FBXL14: variants seen among roughly 807,000 people sequenced by gnomAD.
FBXL14 encodes F-box/LRR-repeat protein 14.
A neutral mutation model predicts 24.5 loss-of-function variants in FBXL14; 11 were observed. That is an observed-to-expected ratio of 0.45 (90% confidence interval 0.28 to 0.74). The LOEUF is 0.74. Ranked by LOEUF, FBXL14 falls within the 30% of genes least tolerant of loss-of-function variation. The pLI is 0.12. For missense variants in FBXL14, 384 were observed against 545.6 expected (o/e 0.70, Z 2.95); for synonymous variants, 294 against 240.4 (o/e 1.22, Z -2.06).
chr12:1,579,072 T>G lies in FBXL14; in HGVS notation c.1195-12262A>C, dbSNP rs1161132707. Among the ~76,000 whole-genome samples, 1 of 152,056 alleles carries G rather than the reference T, an allele frequency of 6.6e-6. No homozygotes were observed. Among genetic ancestry groups the G allele is most frequent in the African/African-American group, 2.4e-5 (1 of 41,430 alleles). ...GGGCTCCAGATAACACACTTCTACT[T>G]GCTTTCTTTAGGGAAACGACATGGT... On this transcript the variant is annotated intron_variant, in intron 1 of 1. Coordinates refer to ENST00000339235, the MANE Select transcript of FBXL14 (RefSeq NM_152441.3). This position sits in a 1 kb window ranked among gnomAD's most constrained non-coding sequence, Gnocchi z 4.3.
chr12:1,569,908 A>T lies in FBXL14; in HGVS notation c.1195-3098T>A, dbSNP rs931196642. ...AGGGCGCACCACATGCCCACTGCAG[A>T]GCCAGCATCCCCCTCGAGAGCTGCA... On this transcript the variant is annotated intron_variant, in intron 1 of 1. Coordinates refer to ENST00000339235, the MANE Select transcript of FBXL14 (RefSeq NM_152441.3). This position sits in a 1 kb window ranked among gnomAD's most constrained non-coding sequence, Gnocchi z 4.2. Among the ~76,000 whole-genome samples the T allele has an allele frequency of 6.6e-6, 1 of 152,224 alleles. No individual in the cohort carries two copies. The highest frequency in any genetic ancestry group is 1.5e-5 in the Non-Finnish European group (1 of 68,038).
Position 1,567,910 on chromosome 12 carries a change from CACAGA to C in FBXL14, c.1195-1105_1195-1101del, listed in dbSNP as rs1400442649. 2.6e-5 allele frequency among the ~76,000 whole-genome samples: 4 copies of C among 152,352 alleles called. No homozygotes were observed. Among genetic ancestry groups the C allele is most frequent in the Non-Finnish European group, 4.4e-5 (3 of 68,036 alleles). On this transcript the variant is annotated intron_variant, in intron 1 of 1. Transcript: ENST00000339235. This position sits in a 1 kb window ranked among gnomAD's most constrained non-coding sequence, Gnocchi z 4.8. ...ACGCGCGCACACACGTGCGCACACA[CACAGA>C]ACAGAATATCCAAGAACTGTGGGAC... is the stretch of plus-strand genomic sequence containing the variant.
chr12:1,594,744 G>A (rs2094498291), upstream of FBXL14, among the ~76,000 whole-genome samples: 1 of 149,982 alleles, frequency 6.7e-6, no homozygotes, highest in Non-Finnish European at 1.5e-5. Context: ...GCCGGAGCGC[G>A]GCTCGGCGCA....
rs755043134 is a variant in FBXL14 at position 1,569,917 on chromosome 12, C to G, written c.1195-3107G>C. Among the ~76,000 whole-genome samples, 5 of 152,240 alleles carry G rather than the reference C, an allele frequency of 3.3e-5. No individual in the cohort carries two copies. The highest frequency in any genetic ancestry group is 5.9e-5 in the Non-Finnish European group (4 of 68,046). On this transcript the variant is annotated intron_variant, in intron 1 of 1. Transcript: ENST00000339235. The surrounding 1 kb of genome is among the most constrained non-coding windows in gnomAD (Gnocchi z 4.2). ...CACATGCCCACTGCAGAGCCAGCAT[C>G]CCCCTCGAGAGCTGCACTTCTGCCC...
At chr12:1,571,763 A>G (rs1026055653) in intron 1 of FBXL14, among the ~76,000 whole-genome samples, 1 of 152,216 alleles carries the variant, frequency 6.6e-6, no homozygotes, top group Non-Finnish European at 1.5e-5. Flanking sequence ...ATTTGAAGTC[A>G]CTACTAATAG....
rs200835470 is a variant in FBXL14 at position 1,574,014 on chromosome 12, G to GA, written c.1195-7205dup. Among the ~76,000 whole-genome samples, 682 of 116,634 alleles carry GA rather than the reference G, an allele frequency of 5.8e-3. 1 individual carries two copies. The highest frequency in any genetic ancestry group is 0.013 in the African/African-American group (422 of 32,040). 76.5% of individuals were successfully genotyped at this position (116,634 alleles called of 152,430 possible). ...GAGCGAAACTCCGTCTCAAAAAAAAGAAAAAAAAAAAAAAGAGTGAAATGG... is the reference window on the plus strand; with the variant it reads ...GAGCGAAACTCCGTCTCAAAAAAAAGAAAAAAAAAAAAAAAGAGTGAAATGG... On this transcript the variant is annotated intron_variant, in intron 1 of 1. Transcript: ENST00000339235.
chr12:1,568,809 C>T (rs773472252), intron 1 of FBXL14, among the ~76,000 whole-genome samples: 2 of 152,034 alleles, frequency 1.3e-5, no homozygotes, highest in Non-Finnish European at 2.9e-5. Flanking sequence ...TGCAGTGAGC[C>T]GAGATCACGC....
chr12:1,572,240 T>C (rs545872899), intron 1 of FBXL14, among the ~76,000 whole-genome samples: 12 of 152,344 alleles, frequency 7.9e-5, no homozygotes, highest in African/African-American at 2.9e-4. Context: ...TTTAAATAAC[T>C]TTATGAGGTA....
At chr12:1,586,168 T>C (rs2094475971) in intron 1 of FBXL14, among the ~76,000 whole-genome samples, 1 of 151,284 alleles carries the variant, frequency 6.6e-6, no homozygotes, top group Admixed American at 6.6e-5. Flanking sequence ...TAGTAATAAC[T>C]TTTAGCATTT....
At chr12:1,577,250 C>T (rs1439064805) in intron 1 of FBXL14, among the ~76,000 whole-genome samples, 3 of 152,194 alleles carry the variant, frequency 2.0e-5, no homozygotes, top group Non-Finnish European at 4.4e-5. Context: ...GCAAGAGTCT[C>T]CTAGCCGCGC....
chr12:1,587,028 G>A (rs528505537), intron 1 of FBXL14, among the ~76,000 whole-genome samples: 5 of 152,144 alleles, frequency 3.3e-5, no homozygotes, highest in African/African-American at 7.2e-5. Flanking sequence ...ACTTGAGGTC[G>A]GGAGTTTGAG....
chr12:1,581,096 C>G (rs1432927036), intron 1 of FBXL14, among the ~76,000 whole-genome samples: 2 of 152,122 alleles, frequency 1.3e-5, no homozygotes, highest in Non-Finnish European at 2.9e-5. Flanking sequence ...CGCCTGGAAT[C>G]CCCCACCCAC....
intron 1 of FBXL14, among the ~76,000 whole-genome samples, chr12:1,589,004 C>T (rs761161740): frequency 1.3e-5 from 2 of 151,096 alleles, no homozygotes; most frequent in Non-Finnish European, 3.0e-5. Context: ...AAACAGCTAC[C>T]GTTCACTTCT....
intron 1 of FBXL14, among the ~76,000 whole-genome samples, chr12:1,584,647 T>C (rs1342716525): frequency 6.6e-6 from 1 of 152,226 alleles, no homozygotes; most frequent in African/African-American, 2.4e-5. Context: ...CGTACAACCG[T>C]CAGCTGTCAG....
chr12:1,594,078 C>A lies in FBXL14; in HGVS notation c.-12G>T. The A allele has an allele frequency of 7.0e-7, 1 of 1,433,002 alleles. No individual in the cohort carries two copies. Among genetic ancestry groups the A allele is most frequent in the African/African-American group, 1.5e-5 (1 of 68,708 alleles). 88.8% of individuals were successfully genotyped at this position (1,433,002 alleles called of 1,614,324 possible). On this transcript the variant is annotated 5_prime_UTR_variant, in exon 1 of 2. Coordinates refer to ENST00000339235, the MANE Select transcript of FBXL14 (RefSeq NM_152441.3). ...ATGTGGGTCTCCATCTTCCTCCTCC[C>A]CCCTCCGCGGCGCTGGGGGGAGGAG...
intron 1 of FBXL14, among the ~76,000 whole-genome samples, chr12:1,574,238 C>G (rs2094450745): frequency 6.6e-6 from 1 of 151,702 alleles, no homozygotes; most frequent in Non-Finnish European, 1.5e-5. Flanking sequence ...GGATAGAATA[C>G]AGAGATGATG....
In FBXL14 at chr12:1,594,007, C is replaced by T; in HGVS notation, c.60G>A (p.Leu20=). The part of the protein sequence containing the change: ...PELLAMIFGY[L]DVRDKGRAAQ... ...CCGCGCGCCCCTTGTCCCGGACGTC[C>T]AGGTAGCCGAAGATCATGGCCAGCA... is the stretch of plus-strand genomic sequence containing the variant. Residue 20 remains leucine (L), a synonymous_variant, in exon 1 of 2, where the codon CTG becomes CTA. Transcript: ENST00000339235. 1 of 1,578,890 alleles carries T rather than the reference C, an allele frequency of 6.3e-7. No individual in the cohort carries two copies. The highest frequency in any genetic ancestry group is 1.1e-5 in the South Asian group (1 of 88,188).
chr12:1,594,177 C>G lies in FBXL14; in HGVS notation c.-111G>C. ...CCCCAGCCGCCGCCGCCGCCGCCGC[C>G]GCCGCCTCGGGCCCAACGGCCGGCC... On this transcript the variant is annotated 5_prime_UTR_variant, in exon 1 of 2. Coordinates refer to ENST00000339235, the MANE Select transcript of FBXL14 (RefSeq NM_152441.3). The G allele has an allele frequency of 1.1e-6, 1 of 925,918 alleles. No homozygotes were observed. The highest frequency in any genetic ancestry group is 5.2e-5 in the South Asian group (1 of 19,326). The allele number at this position is 925,918 out of a possible 1,614,324, so 57.4% of individuals were successfully genotyped here.
chr12:1,566,833 GACC>G (rs1313601247), intron 1 of FBXL14, 23 bp from the exon 2 acceptor site: 1 of 780,476 alleles, frequency 1.3e-6, no homozygotes, highest in African/African-American at 1.7e-5. Flanking sequence ...GAAGAAAAAG[GACC>G]ATTTTGAAAG....
Sources: gnomAD v4.1 joint callset for allele counts (sites outside exome capture counted in the v4.1 genomes callset) on GRCh38, gnomAD v4.1.1 for gene constraint, Gnocchi (gnomAD v3.1) non-coding constraint, MANE v1.5 for transcripts, NCBI Gene and HGNC (gene_info 2026-07-23, HGNC 2026-07-21) for gene names.